Variants in FOXP1 observed in about 807,000 individuals in gnomAD.
The protein encoded by FOXP1 is forkhead box protein P1.
A neutral mutation model predicts 98.2 loss-of-function variants in FOXP1; 15 were observed. The ratio of observed to expected loss-of-function variants is 0.15; its 90% CI spans 0.10 to 0.24. The LOEUF (loss-of-function observed/expected upper bound fraction) is 0.24. FOXP1 is among the 10% of genes least tolerant of loss of function. FOXP1 has a pLI of 1.00. For missense variants in FOXP1, 633 were observed against 848.5 expected (o/e 0.75, Z 3.15); for synonymous variants, 371 against 314.5 (o/e 1.18, Z -1.90).
chr3:71,302,459 A>G (rs1369132258), intron 4 of FOXP1, among the ~76,000 whole-genome samples: 1 of 151,166 alleles, frequency 6.6e-6, no homozygotes, highest in Non-Finnish European at 1.5e-5. Flanking sequence ...CTGTATGCTT[A>G]CTGGCAGCAC....
chr3:71,555,022 T>C (rs2046029625), intron 2 of FOXP1, among the ~76,000 whole-genome samples: 1 of 152,244 alleles, frequency 6.6e-6, no homozygotes, highest in Admixed American at 6.5e-5. Flanking sequence ...CAAGCTCAGT[T>C]ATTTTTAAGC....
At chr3:71,294,108 G>C (rs1245633814) in intron 5 of FOXP1, among the ~76,000 whole-genome samples, 2 of 152,192 alleles carry the variant, frequency 1.3e-5, no homozygotes, top group East Asian at 3.9e-4. Flanking sequence ...TCAGGGGATG[G>C]CGGGAGGGCA....
intron 6 of FOXP1, among the ~76,000 whole-genome samples, chr3:71,119,842 G>T (rs762661436): frequency 6.6e-6 from 1 of 152,164 alleles, no homozygotes; most frequent in Non-Finnish European, 1.5e-5. Flanking sequence ...TGTAGAACTG[G>T]AAGTATTCAT....
At chr3:71,117,596 G>A (rs186216634) in intron 6 of FOXP1, among the ~76,000 whole-genome samples, 2 of 152,204 alleles carry the variant, frequency 1.3e-5, no homozygotes, top group East Asian at 1.9e-4. Context: ...AGGGCAAGCA[G>A]CAGAAAGAGA....
chr3:71,417,089 G>T (rs182837286), intron 3 of FOXP1, among the ~76,000 whole-genome samples: 45 of 152,236 alleles, frequency 3.0e-4, no homozygotes, highest in African/African-American at 1.1e-3. Flanking sequence ...AAAACTAGAG[G>T]AGGTCCTTAC....
At chr3:71,416,943 G>A (rs2083269696) in intron 3 of FOXP1, among the ~76,000 whole-genome samples, 1 of 152,124 alleles carries the variant, frequency 6.6e-6, no homozygotes, top group Admixed American at 6.6e-5. Context: ...AAACAGGTGA[G>A]TGGGACATGA....
intron 3 of FOXP1, among the ~76,000 whole-genome samples, chr3:71,425,048 A>G (rs1283970102): frequency 2.0e-5 from 3 of 152,182 alleles, no homozygotes; most frequent in African/African-American, 7.2e-5. Flanking sequence ...GAAATCTACT[A>G]ACTTGCAAGT....
At chr3:71,129,952 G>A (rs1416652577) in intron 6 of FOXP1, among the ~76,000 whole-genome samples, 1 of 152,142 alleles carries the variant, frequency 6.6e-6, no homozygotes, top group Non-Finnish European at 1.5e-5. Context: ...GAAACAATAG[G>A]AATATGAATG....
intron 7 of FOXP1, among the ~76,000 whole-genome samples, chr3:71,054,922 G>A (rs1401356489): frequency 6.6e-6 from 1 of 151,928 alleles, no homozygotes; most frequent in Non-Finnish European, 1.5e-5. Context: ...GTCATCTCAT[G>A]TATTACAATA....
chr3:71,566,553 C>T (rs115263561), intron 2 of FOXP1, among the ~76,000 whole-genome samples: 78 of 152,302 alleles, frequency 5.1e-4, no homozygotes, highest in Non-Finnish European at 9.4e-4. Context: ...GGCAATCCAA[C>T]GGGCAATTTG....
chr3:71,450,376 TCTTCATAA>T (rs2086833255), intron 3 of FOXP1, among the ~76,000 whole-genome samples: 1 of 152,212 alleles, frequency 6.6e-6, no homozygotes, highest in South Asian at 2.1e-4. Context: ...AGCTCAACCT[TCTTCATAA>T]CTTCACTGCA....
chr3:71,112,494 C>T (rs1386143959), intron 7 of FOXP1, 42 bp downstream of exon 7: 12 of 1,457,738 alleles, frequency 8.2e-6, no homozygotes, highest in Non-Finnish European at 1.2e-5. Flanking sequence ...TCACTTATCC[C>T]AAAGGGTATA....
chr3:71,471,267 T>C (rs1009063617), intron 3 of FOXP1, among the ~76,000 whole-genome samples: 1 of 151,048 alleles, frequency 6.6e-6, no homozygotes, highest in African/African-American at 2.4e-5. Context: ...AATTATATAG[T>C]ATAATAAGTA....
chr3:71,419,397 A>G (rs1003837215), intron 3 of FOXP1, among the ~76,000 whole-genome samples: 1 of 152,142 alleles, frequency 6.6e-6, no homozygotes, highest in African/African-American at 2.4e-5. Flanking sequence ...AAGAAAAACA[A>G]TATTCCCAAT....
chr3:71,247,566 T>G lies in FOXP1; in HGVS notation c.-11-49174A>C, dbSNP rs533827961. 1.9e-3 allele frequency among the ~76,000 whole-genome samples: 287 copies of G among 152,302 alleles called. 2 individuals are homozygous for G. The highest frequency in any genetic ancestry group is 3.1e-3 in the Non-Finnish European group (208 of 68,024). The stretch of plus-strand genomic sequence containing the variant: ...GCCGAGGGCCTGCGAGCGACTTTGG[T>G]GGCGAAATCAAGACACACCAGGCAG... On this transcript the variant is annotated intron_variant, in intron 5 of 20. Transcript: ENST00000649528.
chr3:71,141,596 A>C (rs1287251292), intron 6 of FOXP1, among the ~76,000 whole-genome samples: 1 of 152,162 alleles, frequency 6.6e-6, no homozygotes, highest in African/African-American at 2.4e-5. Context: ...CACACCAATT[A>C]AACACATAAT....
At chr3:71,582,736 G>T in intron 1 of FOXP1, 1 of 985,410 alleles carries the variant, frequency 1.0e-6, no homozygotes, top group Non-Finnish European at 1.2e-6. Context: ...ACTCGTCTCG[G>T]GAAAGCGGAG....
At chr3:71,491,776 T>C (rs1479981766) in intron 3 of FOXP1, among the ~76,000 whole-genome samples, 1 of 152,194 alleles carries the variant, frequency 6.6e-6, no homozygotes, top group Non-Finnish European at 1.5e-5. Context: ...ACAGTTTCTC[T>C]GGACAATAAA....
At chr3:71,472,186 T>C (rs1020508352) in intron 3 of FOXP1, among the ~76,000 whole-genome samples, 4 of 152,152 alleles carry the variant, frequency 2.6e-5, no homozygotes, top group African/African-American at 9.7e-5. Context: ...ACATACCTTT[T>C]TGTCAGGGTG....
Sources: gnomAD v4.1 joint callset for allele counts (sites outside exome capture counted in the v4.1 genomes callset) on GRCh38, gnomAD v4.1.1 for gene constraint, MANE v1.5 for transcripts, NCBI Gene and HGNC (gene_info 2026-07-23, HGNC 2026-07-21) for gene names.